ADGRV1: variants seen among roughly 807,000 people sequenced by gnomAD.
ADGRV1 encodes G-protein coupled receptor 98.
Under a neutral mutation model 596.2 loss-of-function variants are expected in ADGRV1, and 359 were observed. That is an observed-to-expected ratio of 0.60 (90% confidence interval 0.55 to 0.66). ADGRV1 has a LOEUF of 0.66. Ranked by LOEUF, ADGRV1 falls within the 30% of genes least tolerant of loss-of-function variation. The pLI is 0.00. For synonymous variants in ADGRV1, 2,681 were observed against 2,679.2 expected, an observed-to-expected ratio of 1.00 and a Z score of -0.02; for missense variants, 7,274 against 7,575.6, an observed-to-expected ratio of 0.96 and a Z score of 1.48.
chr5:91,092,218 G>A (rs976225141), intron 86 of ADGRV1, among the ~76,000 whole-genome samples: 1 of 152,152 alleles, frequency 6.6e-6, no homozygotes, highest in South Asian at 2.1e-4. Context: ...TCCTGCCTCA[G>A]CCTCCCGAAT....
intron 58 of ADGRV1, 194 bp from the exon 59 acceptor site, chr5:90,763,111 A>G (rs1271041330): frequency 4.1e-6 from 2 of 484,942 alleles, no homozygotes; most frequent in African/African-American, 3.8e-5. Flanking sequence ...GAAGACAGGA[A>G]ATGCCAACTA....
chr5:90,720,850 A>G (rs772381826), intron 44 of ADGRV1, 85 bp from the exon 45 acceptor site: 16 of 1,095,552 alleles, frequency 1.5e-5, no homozygotes, highest in Non-Finnish European at 2.0e-5. Flanking sequence ...AAATGTATTA[A>G]GTATATGCTA....
intron 78 of ADGRV1, among the ~76,000 whole-genome samples, chr5:90,844,010 G>A (rs1765652711): frequency 6.6e-6 from 1 of 152,140 alleles, no homozygotes; most frequent in Admixed American, 6.5e-5. Flanking sequence ...AGTTAAGTTT[G>A]AATTTCAGAT....
intron 86 of ADGRV1, among the ~76,000 whole-genome samples, chr5:91,081,924 AATAG>A (rs1418818812): frequency 6.6e-6 from 1 of 152,250 alleles, no homozygotes; most frequent in Non-Finnish European, 1.5e-5. Context: ...ACTTGACTTA[AATAG>A]CACAACTAAA....
intron 67 of ADGRV1, 137 bp from the exon 68 acceptor site, chr5:90,787,934 C>G (rs1405377571): frequency 3.5e-6 from 2 of 574,496 alleles, no homozygotes; most frequent in African/African-American, 3.9e-5. Flanking sequence ...GTTTATGAAA[C>G]AGGAATTTGA....
At chr5:90,767,358 T>G (rs1757249332) in intron 59 of ADGRV1, among the ~76,000 whole-genome samples, 1 of 151,804 alleles carries the variant, frequency 6.6e-6, no homozygotes, top group Non-Finnish European at 1.5e-5. Context: ...GAAACCAGAA[T>G]GCAATTAATT....
chr5:91,100,143 C>T (rs1412008382), intron 86 of ADGRV1, among the ~76,000 whole-genome samples: 3 of 152,228 alleles, frequency 2.0e-5, no homozygotes, highest in African/African-American at 7.2e-5. Flanking sequence ...TGATAGTGGC[C>T]GGGTACCATG....
At chr5:90,691,988 T>G (rs1022755174) in intron 31 of ADGRV1, among the ~76,000 whole-genome samples, 9 of 152,172 alleles carry the variant, frequency 5.9e-5, no homozygotes, top group Admixed American at 3.3e-4. Flanking sequence ...CATTTAGATC[T>G]CATAAAATTA....
chr5:90,837,988 T>C (rs962365474), intron 77 of ADGRV1, among the ~76,000 whole-genome samples: 1 of 152,176 alleles, frequency 6.6e-6, no homozygotes, highest in African/African-American at 2.4e-5. Flanking sequence ...TATTTGGGTT[T>C]ACCTGTTTTG....
In ADGRV1 at chr5:90,628,561, G is replaced by T. The variant is rs373015808; in HGVS notation, c.1239-1G>T. ...TATGTATTTCTTTTAAAACATTTAAGATATGAAGAAATCACAGTGGTTAGA... is the reference window on the plus strand; with the variant it reads ...TATGTATTTCTTTTAAAACATTTAATATATGAAGAAATCACAGTGGTTAGA... On this transcript the variant is annotated splice_acceptor_variant, in intron 7 of 89. Transcript: ENST00000405460. LOFTEE classifies it high-confidence loss of function. 2.4e-5 allele frequency: 38 copies of T among 1,611,888 alleles called. No homozygotes were observed. Among genetic ancestry groups the T allele is most frequent in the Non-Finnish European group, 2.9e-5 (34 of 1,178,274 alleles).
At position 90,724,930 on chromosome 5, in the gene ADGRV1, A is replaced by G. The variant is rs747513357; in HGVS notation, c.9847A>G (p.Met3283Val). The G allele has an allele frequency of 1.9e-5, 31 of 1,610,150 alleles. No individual in the cohort carries two copies. The highest frequency in any genetic ancestry group is 2.5e-5 in the Non-Finnish European group (29 of 1,177,476). The change falls in exon 46 of 90, where the codon ATG becomes GTG. Residue 3283 changes from methionine (M) to valine (V), a missense_variant. Met to Val is a conservative substitution (Grantham distance 21). Around this residue, in one of 5 missense-constraint regions of ADGRV1, gnomAD observed 3,643 missense variants for 3,809.2 expected, o/e 0.96. Transcript: ENST00000405460. ...TTTGGAAAATTTAATATATGGTATA[A>G]TGTTAAGAAAATCATCTGTTACTGT... ...FTLENLIYGI[M>V]LRKSSVTVYR...
chr5:90,708,045 T>C (rs1420537462), intron 38 of ADGRV1, among the ~76,000 whole-genome samples: 1 of 152,156 alleles, frequency 6.6e-6, no homozygotes, highest in Non-Finnish European at 1.5e-5. Context: ...GAAACATGAC[T>C]CCATTAAATA....
At chr5:90,884,014 G>A (rs1020420715) in intron 83 of ADGRV1, among the ~76,000 whole-genome samples, 2 of 152,070 alleles carry the variant, frequency 1.3e-5, no homozygotes, top group Non-Finnish European at 2.9e-5. Context: ...TGTCAAGTTA[G>A]GAATCACATT....
chr5:90,840,275 C>A (rs935003767), intron 77 of ADGRV1, among the ~76,000 whole-genome samples: 1 of 152,104 alleles, frequency 6.6e-6, no homozygotes, highest in Non-Finnish European at 1.5e-5. Context: ...TTATTTGAAG[C>A]ACGATTTTCA....
chr5:90,708,971 TTTTGAA>T, intron 39 of ADGRV1, 62 bp downstream of exon 39: 4 of 1,123,298 alleles, frequency 3.6e-6, no homozygotes, highest in Non-Finnish European at 5.4e-6. Flanking sequence ...GAAACTTCAT[TTTTGAA>T]TCAGAAGTGA....
intron 83 of ADGRV1, among the ~76,000 whole-genome samples, chr5:90,882,631 T>G (rs1581410949): frequency 6.6e-6 from 1 of 152,208 alleles, no homozygotes; most frequent in African/African-American, 2.4e-5. Flanking sequence ...TTGGGTACAC[T>G]CACCCCCTTC....
At chr5:91,108,378 A>G (rs1792074654) in intron 87 of ADGRV1, among the ~76,000 whole-genome samples, 1 of 152,166 alleles carries the variant, frequency 6.6e-6, no homozygotes, top group Admixed American at 6.6e-5. Flanking sequence ...CATATTATGT[A>G]TCTTATACTT....
chr5:90,825,903 A>G (rs909760181), intron 76 of ADGRV1: 1 of 152,218 alleles, frequency 6.6e-6, no homozygotes, highest in South Asian at 2.1e-4. Flanking sequence ...CACATATGAT[A>G]TTCAAATCGT....
chr5:90,744,306 G>A (rs1754359460), intron 50 of ADGRV1, among the ~76,000 whole-genome samples: 1 of 152,054 alleles, frequency 6.6e-6, no homozygotes. Context: ...CAAAAGTATG[G>A]TTTCCTGATA....
Sources: gnomAD v4.1 joint callset for allele counts (sites outside exome capture counted in the v4.1 genomes callset) on GRCh38, gnomAD v4.1.1 for gene constraint, gnomAD v4.1.1 regional missense constraint, MANE v1.5 for transcripts, NCBI Gene and HGNC (gene_info 2026-07-23, HGNC 2026-07-21) for gene names.